The following PDE4D variants were observed in gnomAD, a reference collection of about 807,000 sequenced individuals.
PDE4D encodes the protein phosphodiesterase 4D.
Under a neutral mutation model 87.4 loss-of-function variants are expected in PDE4D, and 24 were observed. The observed-to-expected ratio is 0.27, with a 90% CI of 0.20 to 0.39. The LOEUF (loss-of-function observed/expected upper bound fraction) is 0.39. Ranked by LOEUF, PDE4D falls within the 10% of genes least tolerant of loss-of-function variation. The probability of loss-of-function intolerance (pLI) is 1.00; values close to 1 mark genes in which losing one functional copy is unlikely to be tolerated. For missense variants in PDE4D, 714 were observed against 1,041.0 expected, an observed-to-expected ratio of 0.69 and a Z score of 4.32; for synonymous variants, 384 against 383.2, an observed-to-expected ratio of 1.00 and a Z score of -0.02.
intron 6 of PDE4D, chr5:58,999,459 A>C (rs1185106633): frequency 9.0e-7 from 1 of 1,110,308 alleles, no homozygotes; most frequent in Non-Finnish European, 1.3e-6. Context: ...AATCAGAGTA[A>C]GGAGTTTTCA....
At chr5:59,856,184 C>T (rs11956684) in intron 1 of PDE4D, among the ~76,000 whole-genome samples, 34,069 of 152,026 alleles carry the variant, frequency 0.22, 4,866 homozygotes, top group Admixed American at 0.34. Context: ...AATGACTTTG[C>T]TATTGCCTTT....
intron 1 of PDE4D, among the ~76,000 whole-genome samples, chr5:59,422,509 A>G (rs1245586105): frequency 6.6e-6 from 1 of 152,222 alleles, no homozygotes; most frequent in African/African-American, 2.4e-5. Flanking sequence ...CATAGTTTAC[A>G]AAGTACGATA....
intron 2 of PDE4D, among the ~76,000 whole-genome samples, chr5:60,064,375 G>A (rs893619175): frequency 2.0e-5 from 3 of 152,162 alleles, no homozygotes; most frequent in Admixed American, 1.3e-4. Flanking sequence ...CATATGGCTA[G>A]TAAGGAGAAC....
At chr5:60,226,517 A>G (rs528372407) in intron 1 of PDE4D, among the ~76,000 whole-genome samples, 1 of 152,272 alleles carries the variant, frequency 6.6e-6, no homozygotes, top group Non-Finnish European at 1.5e-5. Context: ...TTATAAATGT[A>G]GAAAAGATGC....
At chr5:59,867,333 G>C (rs1478690745) in intron 1 of PDE4D, among the ~76,000 whole-genome samples, 1 of 151,200 alleles carries the variant, frequency 6.6e-6, no homozygotes, top group African/African-American at 2.4e-5. Flanking sequence ...CATATTTTTC[G>C]ACTTCAGCTA....
intron 5 of PDE4D, among the ~76,000 whole-genome samples, chr5:59,079,990 C>T (rs1013944180): frequency 1.1e-4 from 16 of 151,856 alleles, no homozygotes; most frequent in African/African-American, 3.9e-4. Flanking sequence ...CTATGGCTTC[C>T]ACTAGTACAA....
At chr5:59,516,792 T>C (rs1811237012) in intron 1 of PDE4D, among the ~76,000 whole-genome samples, 1 of 152,150 alleles carries the variant, frequency 6.6e-6, no homozygotes, top group South Asian at 2.1e-4. Context: ...TTAAAATTAA[T>C]TAAAAAATTA....
intron 2 of PDE4D, among the ~76,000 whole-genome samples, chr5:60,009,799 G>A (rs1764841589): frequency 6.6e-6 from 1 of 152,086 alleles, no homozygotes. Context: ...AAGTAAAACT[G>A]TTTAAGCTGA....
chr5:58,988,420 G>C, intron 11 of PDE4D, 73 bp downstream of exon 11: 1 of 528,998 alleles, frequency 1.9e-6, no homozygotes, highest in Non-Finnish European at 3.2e-6. Flanking sequence ...AAGACTCTGA[G>C]TTTATAAAGA....
intron 2 of PDE4D, among the ~76,000 whole-genome samples, chr5:60,092,043 T>C: frequency 1.2e-5 from 1 of 86,068 alleles, no homozygotes; most frequent in Non-Finnish European, 2.0e-5. Flanking sequence ...AGAGCGAAAC[T>C]CCGTCTCAAA....
chr5:59,121,151 G>A (rs1425186362), intron 5 of PDE4D, among the ~76,000 whole-genome samples: 2 of 152,098 alleles, frequency 1.3e-5, no homozygotes, highest in Admixed American at 6.5e-5. Flanking sequence ...AAGATTTTAT[G>A]GCTAAAACCT....
At chr5:59,463,895 T>G (rs1014417164) in intron 1 of PDE4D, among the ~76,000 whole-genome samples, 5 of 152,200 alleles carry the variant, frequency 3.3e-5, no homozygotes, top group African/African-American at 1.2e-4. Flanking sequence ...TGCCTTGAGA[T>G]TCTGTTAATC....
chr5:59,731,587 T>C (rs1216296207), intron 1 of PDE4D, among the ~76,000 whole-genome samples: 1 of 152,066 alleles, frequency 6.6e-6, no homozygotes, highest in African/African-American at 2.4e-5. Flanking sequence ...GACTTTCTAA[T>C]GATTTTGCAA....
At chr5:59,186,339 G>A (rs1742905790) in intron 3 of PDE4D, among the ~76,000 whole-genome samples, 2 of 152,184 alleles carry the variant, frequency 1.3e-5, no homozygotes, top group African/African-American at 4.8e-5. Flanking sequence ...GTTGTGAGGA[G>A]TATATGGAAT....
intron 2 of PDE4D, among the ~76,000 whole-genome samples, chr5:60,115,344 G>A (rs926877761): frequency 1.3e-5 from 2 of 152,006 alleles, no homozygotes; most frequent in Non-Finnish European, 2.9e-5. Flanking sequence ...CTCATCATGA[G>A]GTCTCTGAGT....
At chr5:59,149,998 T>G (rs1421488523) in intron 5 of PDE4D, among the ~76,000 whole-genome samples, 1 of 152,192 alleles carries the variant, frequency 6.6e-6, no homozygotes, top group Non-Finnish European at 1.5e-5. Context: ...TTTGAATGAA[T>G]ATTTTGGAAA....
intron 1 of PDE4D, among the ~76,000 whole-genome samples, chr5:59,654,106 T>C (rs1282631963): frequency 5.9e-5 from 9 of 152,144 alleles, no homozygotes; most frequent in Non-Finnish European, 1.0e-4. Context: ...CTCTGGAGGC[T>C]GAGGTGTGAG....
At chr5:59,347,521 G>A (rs1779806452) in intron 1 of PDE4D, among the ~76,000 whole-genome samples, 1 of 152,068 alleles carries the variant, frequency 6.6e-6, no homozygotes, top group Non-Finnish European at 1.5e-5. Context: ...ATGTTTTGTA[G>A]GCAGACACAG....
intron 1 of PDE4D, among the ~76,000 whole-genome samples, chr5:59,339,536 AT>A (rs781720135): frequency 5.3e-4 from 81 of 152,242 alleles, no homozygotes; most frequent in Non-Finnish European, 7.5e-4. Flanking sequence ...TGCCTTTAAT[AT>A]GCAAATCAAT....
Sources: gnomAD v4.1 joint callset for allele counts (sites outside exome capture counted in the v4.1 genomes callset) on GRCh38, gnomAD v4.1.1 for gene constraint, MANE v1.5 for transcripts, NCBI Gene and HGNC (gene_info 2026-07-23, HGNC 2026-07-21) for gene names.